Variants in TSHZ2 observed in about 807,000 individuals in gnomAD.
TSHZ2 encodes teashirt homolog 2.
In TSHZ2, 21 loss-of-function variants were observed where a neutral mutation model predicts 74.4. The ratio of observed to expected loss-of-function variants is 0.28; its 90% CI spans 0.20 to 0.41. The LOEUF is 0.41. Among genes scored for constraint, TSHZ2 ranks in the 10% least tolerant of loss-of-function variants. TSHZ2 has a pLI of 1.00. For missense variants in TSHZ2, 1,244 were observed against 1,293.5 expected, an observed-to-expected ratio of 0.96 and a Z score of 0.59; for synonymous variants, 540 against 515.3, an observed-to-expected ratio of 1.05 and a Z score of -0.65.
chr20:53,313,431 T>C (rs1164267161), intron 2 of TSHZ2, among the ~76,000 whole-genome samples: 1 of 152,230 alleles, frequency 6.6e-6, no homozygotes, highest in Non-Finnish European at 1.5e-5. Context: ...TGGGCTGCTT[T>C]AGGCTGAAAT....
intron 2 of TSHZ2, among the ~76,000 whole-genome samples, chr20:53,292,132 T>A (rs1033776404): frequency 6.6e-6 from 1 of 152,172 alleles, no homozygotes; most frequent in African/African-American, 2.4e-5. Context: ...ATAATCTTAA[T>A]AATAATGACT....
At chr20:53,146,217 AATC>A (rs11470733) in intron 1 of TSHZ2, among the ~76,000 whole-genome samples, 32,094 of 151,992 alleles carry the variant, frequency 0.21, 3,744 homozygotes, top group Admixed American at 0.27. Flanking sequence ...AGTGAACTCA[AATC>A]ATCAGTGAAT....
chr20:52,993,458 G>C (rs1301152744), intron 1 of TSHZ2, among the ~76,000 whole-genome samples: 1 of 152,182 alleles, frequency 6.6e-6, no homozygotes, highest in African/African-American at 2.4e-5. Context: ...ATTAAATCAT[G>C]ATCTCATTTT....
At chr20:53,429,092 C>A (rs1410845812) in intron 2 of TSHZ2, among the ~76,000 whole-genome samples, 2 of 152,150 alleles carry the variant, frequency 1.3e-5, no homozygotes, top group East Asian at 1.9e-4. Context: ...GAAGAAATTT[C>A]TTTCTTAGAA....
chr20:53,163,451 A>T (rs544621500), intron 1 of TSHZ2, among the ~76,000 whole-genome samples: 1,897 of 88,682 alleles, frequency 0.021, 23 homozygotes, highest in Middle Eastern at 0.026. Context: ...ATTTTATTTT[A>T]TTTTATTTTT....
intron 1 of TSHZ2, among the ~76,000 whole-genome samples, chr20:53,209,688 T>G: frequency 6.6e-6 from 1 of 152,186 alleles, no homozygotes; most frequent in East Asian, 1.9e-4. Flanking sequence ...CAGAATGGAA[T>G]CAGCTGCTTT....
Position 53,408,726 on chromosome 20 carries a change from C to T in TSHZ2, c.*9-78418C>T, listed in dbSNP as rs145782898. ...CTGTCATTACTGTTAATATTGAGATCGGACACTTTGATCCGAATGGAACCT... is the reference window on the plus strand; with the variant it reads ...CTGTCATTACTGTTAATATTGAGATTGGACACTTTGATCCGAATGGAACCT... On this transcript the variant is annotated intron_variant, in intron 2 of 2. Transcript: ENST00000371497. Among the ~76,000 whole-genome samples the T allele has an allele frequency of 2.0e-5, 3 of 152,156 alleles. No individual in the cohort carries two copies. The East Asian group carries it at 5.8e-4, about 29-fold the overall frequency.
At chr20:53,125,436 C>T (rs150667133) in intron 1 of TSHZ2, among the ~76,000 whole-genome samples, 1 of 152,098 alleles carries the variant, frequency 6.6e-6, no homozygotes, top group African/African-American at 2.4e-5. Flanking sequence ...AGGTGAAGTA[C>T]ATTTAATGCC....
intron 1 of TSHZ2, chr20:53,185,632 A>C (rs1445092505): frequency 1.3e-5 from 20 of 1,535,870 alleles, no homozygotes; most frequent in Non-Finnish European, 1.6e-5. Flanking sequence ...AAAAAGAAAA[A>C]AAAGAAAGAA....
chr20:53,446,716 T>C (rs1240425040), intron 2 of TSHZ2, among the ~76,000 whole-genome samples: 3 of 152,232 alleles, frequency 2.0e-5, no homozygotes, highest in South Asian at 2.1e-4. Context: ...AATTCTCATA[T>C]TGATGAAATG....
At chr20:52,982,525 C>T (rs1419400145) in intron 1 of TSHZ2, among the ~76,000 whole-genome samples, 1 of 152,162 alleles carries the variant, frequency 6.6e-6, no homozygotes, top group Non-Finnish European at 1.5e-5. Flanking sequence ...TATGTCCGTA[C>T]ATGCATTCAT....
intron 1 of TSHZ2, among the ~76,000 whole-genome samples, chr20:53,226,328 G>A (rs184223100): frequency 6.6e-6 from 1 of 152,192 alleles, no homozygotes; most frequent in Admixed American, 6.5e-5. Context: ...CCCCTGCACA[G>A]TTGTTATAAA....
intron 1 of TSHZ2, among the ~76,000 whole-genome samples, chr20:53,075,289 T>C (rs994406667): frequency 1.3e-5 from 2 of 152,262 alleles, no homozygotes; most frequent in Non-Finnish European, 1.5e-5. Flanking sequence ...TGGACTGCTC[T>C]GTGCAAAGGA....
rs1207033419 is a variant in TSHZ2, at chr20:53,255,899, C to A, written c.2441C>A (p.Ser814Tyr). The change falls in exon 2 of 3, where the codon TCC becomes TAC. Residue 814 changes from serine (S) to tyrosine (Y), a missense_variant. By Grantham distance (144) the Ser-to-Tyr change is moderately radical. This residue lies in a region of TSHZ2 where 562 missense variants were observed against 544.0 expected (regional missense o/e 1.03). Transcript: ENST00000371497. This position sits in a 1 kb window ranked among gnomAD's most constrained non-coding sequence, Gnocchi z 4.1. The stretch of plus-strand genomic sequence containing the variant: ...ACCACCCCAAAGCCAGCCTCCTCCT[C>A]CAGGGTCCCCCCCATGAAGCTGGAA... ...KATTPKPASS[S>Y]RVPPMKLEMD... 31 of 1,614,082 alleles carry A rather than the reference C, an allele frequency of 1.9e-5. No individual in the cohort carries two copies. Among genetic ancestry groups the A allele is most frequent in the Non-Finnish European group, 2.6e-5 (31 of 1,179,950 alleles).
At chr20:53,029,528 T>C (rs1286356487) in intron 1 of TSHZ2, among the ~76,000 whole-genome samples, 1 of 152,072 alleles carries the variant, frequency 6.6e-6, no homozygotes, top group African/African-American at 2.4e-5. Context: ...ATACAACAAT[T>C]AGCTGGGCGT....
intron 1 of TSHZ2, among the ~76,000 whole-genome samples, chr20:53,008,954 A>G (rs945177590): frequency 2.7e-5 from 4 of 150,878 alleles, no homozygotes; most frequent in Non-Finnish European, 2.9e-5. Flanking sequence ...ATACTCTAGT[A>G]GAAGTTATTT....
intron 2 of TSHZ2, among the ~76,000 whole-genome samples, chr20:53,315,482 T>C (rs1431064824): frequency 6.6e-6 from 1 of 152,242 alleles, no homozygotes; most frequent in Non-Finnish European, 1.5e-5. Context: ...TGTATAGGCG[T>C]GCTTGCCTTT....
chr20:53,060,951 A>G (rs962267732), intron 1 of TSHZ2, among the ~76,000 whole-genome samples: 1 of 152,152 alleles, frequency 6.6e-6, no homozygotes, highest in African/African-American at 2.4e-5. Context: ...TAGTCATTCT[A>G]TATTCCTATC....
rs1009215580 is a variant in TSHZ2 at position 53,074,306 on chromosome 20, T to C, written c.40+100973T>C. On this transcript the variant is annotated intron_variant, in intron 1 of 2. Transcript: ENST00000371497. This position sits in a 1 kb window ranked among gnomAD's most constrained non-coding sequence, Gnocchi z 5.9. ...ATAGAAGTTACCACATTGCTGAAAT[T>C]ATGTCCTAAGTATCAGTCCTTTCTA... Among the ~76,000 whole-genome samples the C allele has an allele frequency of 3.9e-5, 6 of 152,224 alleles. No individual in the cohort carries two copies. Among genetic ancestry groups the C allele is most frequent in the Non-Finnish European group, 7.3e-5 (5 of 68,046 alleles).
Sources: allele counts gnomAD v4.1 joint callset (sites outside exome capture counted in the v4.1 genomes callset), GRCh38; gene constraint gnomAD v4.1.1; regional missense constraint gnomAD v4.1.1; non-coding constraint Gnocchi (gnomAD v3.1); transcripts MANE v1.5; gene names NCBI Gene and HGNC (gene_info 2026-07-23, HGNC 2026-07-21).